The following ATXN1 variants were observed in gnomAD, a reference collection of about 807,000 sequenced individuals.
ATXN1 encodes the protein ataxin 1.
ATXN1 carries 8 observed loss-of-function variants against 56.4 expected under a neutral mutation model. The ratio of observed to expected loss-of-function variants is 0.14; its 90% CI spans 0.08 to 0.26. The LOEUF is 0.26. Ranked by LOEUF, ATXN1 falls within the 10% of genes least tolerant of loss-of-function variation. The pLI is 1.00. For synonymous variants in ATXN1, 514 were observed against 494.6 expected, an observed-to-expected ratio of 1.04 and a Z score of -0.52; for missense variants, 987 against 1,106.5, an observed-to-expected ratio of 0.89 and a Z score of 1.53.
At chr6:16,583,740 G>A (rs1330863209) in intron 4 of ATXN1, among the ~76,000 whole-genome samples, 2 of 152,156 alleles carry the variant, frequency 1.3e-5, no homozygotes, top group African/African-American at 4.8e-5. Context: ...TGAAAAATGG[G>A]TCTCTGACTT....
intron 6 of ATXN1, among the ~76,000 whole-genome samples, chr6:16,390,302 T>C (rs9477119): frequency 0.14 from 21,875 of 152,156 alleles, 1,862 homozygotes; most frequent in African/African-American, 0.23. Context: ...GTATCTGTTG[T>C]CCTATCACCT....
intron 2 of ATXN1, among the ~76,000 whole-genome samples, chr6:16,695,566 C>T (rs1274533412): frequency 2.0e-5 from 3 of 152,170 alleles, no homozygotes; most frequent in Non-Finnish European, 2.9e-5. Flanking sequence ...CAGCCTAGGA[C>T]GGAGACAGCT....
intron 6 of ATXN1, among the ~76,000 whole-genome samples, chr6:16,375,374 A>G (rs1762122659): frequency 6.6e-6 from 1 of 152,220 alleles, no homozygotes; most frequent in Non-Finnish European, 1.5e-5. Flanking sequence ...TATCATCAGG[A>G]CAAGTGTCTC....
chr6:16,625,411 G>A (rs1763390377), intron 3 of ATXN1, among the ~76,000 whole-genome samples: 1 of 152,170 alleles, frequency 6.6e-6, no homozygotes, highest in African/African-American at 2.4e-5. Flanking sequence ...GAGGGGGCTA[G>A]GGATTTAGGG....
intron 4 of ATXN1, among the ~76,000 whole-genome samples, chr6:16,529,310 G>T (rs893000153): frequency 6.6e-5 from 10 of 151,118 alleles, no homozygotes; most frequent in Admixed American, 6.6e-4. Context: ...ACAGGTGCCA[G>T]GCAAGCGTTC....
At chr6:16,630,937 T>C (rs927051155) in intron 3 of ATXN1, among the ~76,000 whole-genome samples, 1 of 152,204 alleles carries the variant, frequency 6.6e-6, no homozygotes, top group Non-Finnish European at 1.5e-5. Flanking sequence ...ATTTCTGCTA[T>C]AGTGAAAATT....
intron 6 of ATXN1, among the ~76,000 whole-genome samples, chr6:16,413,538 A>T (rs887067366): frequency 2.0e-5 from 3 of 152,182 alleles, no homozygotes; most frequent in African/African-American, 7.2e-5. Flanking sequence ...TATTGTGTGC[A>T]GCAAATGTTT....
chr6:16,584,243 T>C (rs13206823), intron 4 of ATXN1, among the ~76,000 whole-genome samples: 6,804 of 118,634 alleles, frequency 0.057, 339 homozygotes, highest in African/African-American at 0.074. Context: ...TATATATATA[T>C]ACACACACAC....
chr6:16,470,286 TAGAC>T (rs1424025793), intron 6 of ATXN1, among the ~76,000 whole-genome samples: 3 of 152,082 alleles, frequency 2.0e-5, no homozygotes, highest in Admixed American at 6.5e-5. Flanking sequence ...GTCAAAATAA[TAGAC>T]AGCAAGTAGA....
rs1403024076 is a variant in ATXN1 at position 16,753,327 on chromosome 6, G to C, written c.-709C>G. On this transcript the variant is annotated 5_prime_UTR_variant, in exon 2 of 8. Transcript: ENST00000436367. ...TCTGCAGCTTGAATGGACCACCCTG[G>C]TGACTTGATGCACGATGCTCCTGCA... The C allele has an allele frequency of 2.2e-6, 1 of 456,834 alleles. No individual in the cohort carries two copies. The highest frequency in any genetic ancestry group is 4.4e-6 in the Non-Finnish European group (1 of 227,062). 28.3% of individuals were successfully genotyped at this position (456,834 alleles called of 1,614,324 possible). A position where few individuals can be genotyped will look rare whatever the true frequency, so the allele number is the denominator to read the frequency against.
At chr6:16,431,315 A>G (rs1182872102) in intron 6 of ATXN1, among the ~76,000 whole-genome samples, 1 of 152,062 alleles carries the variant, frequency 6.6e-6, no homozygotes, top group African/African-American at 2.4e-5. Flanking sequence ...GCTGGGGGGG[A>G]TGTCTGCCAA....
chr6:16,560,345 G>A (rs13213072), intron 4 of ATXN1, among the ~76,000 whole-genome samples: 36,382 of 151,368 alleles, frequency 0.24, 5,005 homozygotes, highest in Non-Finnish European at 0.3. Flanking sequence ...CAGGAGAATC[G>A]TTTAAACGGG....
intron 6 of ATXN1, among the ~76,000 whole-genome samples, chr6:16,357,600 C>T (rs1305426242): frequency 6.6e-6 from 1 of 152,100 alleles, no homozygotes; most frequent in Non-Finnish European, 1.5e-5. Context: ...TTAACCGAGT[C>T]CAGAATTTGA....
intron 3 of ATXN1, among the ~76,000 whole-genome samples, chr6:16,586,189 C>T (rs549192622): frequency 6.6e-6 from 1 of 152,224 alleles, no homozygotes; most frequent in Admixed American, 6.5e-5. Context: ...CTTGAGGACA[C>T]CACTATCAAA....
intron 6 of ATXN1, among the ~76,000 whole-genome samples, chr6:16,456,983 T>C (rs1759889791): frequency 6.6e-6 from 1 of 152,184 alleles, no homozygotes; most frequent in Non-Finnish European, 1.5e-5. Flanking sequence ...CCTATTCATA[T>C]GATAAGTGAG....
rs771343299 is a variant in ATXN1 at position 16,327,459 on chromosome 6, C to T, written c.852G>A (p.Gly284=). 6.2e-7 allele frequency: 1 copy of T among 1,613,390 alleles called. No individual in the cohort carries two copies. Among genetic ancestry groups the T allele is most frequent in the Non-Finnish European group, 8.5e-7 (1 of 1,179,922 alleles). ...ATTGCATGACGACCTGGGAGGGGGG[C>T]CCCAGGGTGAGCGTGTGTGGGATCA... The part of the protein sequence containing the change: ...QTMIPHTLTL[G]PPSQVVMQYA... The change falls in exon 7 of 8, where the codon GGG becomes GGA. Residue 284 remains glycine, a synonymous_variant. Coordinates refer to ENST00000436367, the MANE Select transcript of ATXN1 (RefSeq NM_001128164.2).
At chr6:16,542,829 G>T (rs1023754545) in intron 4 of ATXN1, among the ~76,000 whole-genome samples, 1 of 150,350 alleles carries the variant, frequency 6.7e-6, no homozygotes, top group African/African-American at 2.5e-5. Context: ...CACAGTAAGA[G>T]ATTAACAACA....
chr6:16,401,284 C>T (rs1758564283), intron 6 of ATXN1, among the ~76,000 whole-genome samples: 1 of 152,148 alleles, frequency 6.6e-6, no homozygotes, highest in South Asian at 2.1e-4. Flanking sequence ...AATTGTTCTT[C>T]ATAAAAGATT....
Position 16,699,408 on chromosome 6 carries a change from T to G in ATXN1, c.-614-41507A>C, listed in dbSNP as rs1014196305. 5.3e-5 allele frequency among the ~76,000 whole-genome samples: 8 copies of G among 151,762 alleles called. 1 individual carries two copies. The South Asian group carries it at 1.7e-3, about 32-fold the overall frequency. ...TAAAGAGAACACTGAAGGTTAGGAGTAGGTGAGGATGGGAAAAGGGAAGAA... is the reference window on the plus strand; with the variant it reads ...TAAAGAGAACACTGAAGGTTAGGAGGAGGTGAGGATGGGAAAAGGGAAGAA... On this transcript the variant is annotated intron_variant, in intron 2 of 7. Transcript: ENST00000436367.
Sources: allele counts gnomAD v4.1 joint callset (sites outside exome capture counted in the v4.1 genomes callset), GRCh38; gene constraint gnomAD v4.1.1; transcripts MANE v1.5; gene names NCBI Gene and HGNC (gene_info 2026-07-23, HGNC 2026-07-21).